The following SCG5 variants were observed in gnomAD, a reference collection of about 807,000 sequenced individuals.
SCG5 encodes the protein secretogranin V.
Under a neutral mutation model 25.7 loss-of-function variants are expected in SCG5, and 18 were observed. That is an observed-to-expected ratio of 0.70 (90% CI 0.48 to 1.04). The LOEUF is 1.04. SCG5 is among the 50% of genes least tolerant of loss of function. The pLI is 0.00. For synonymous variants in SCG5, 101 were observed against 91.7 expected, an observed-to-expected ratio of 1.10 and a Z score of -0.58; for missense variants, 206 against 259.8, an observed-to-expected ratio of 0.79 and a Z score of 1.42.
At chr15:32,680,742 G>A (rs2054605656) in intron 3 of SCG5, among the ~76,000 whole-genome samples, 1 of 152,122 alleles carries the variant, frequency 6.6e-6, no homozygotes. Context: ...AAGAGGTTCA[G>A]GAAGAAGCTG....
intron 2 of SCG5, among the ~76,000 whole-genome samples, chr15:32,663,092 T>C (rs1170489813): frequency 7.2e-6 from 1 of 139,286 alleles, no homozygotes; most frequent in African/African-American, 2.6e-5. Flanking sequence ...ATATAATATG[T>C]TATATATACA....
chr15:32,695,653 T>G (rs1373625382), intron 5 of SCG5, among the ~76,000 whole-genome samples: 2 of 152,050 alleles, frequency 1.3e-5, no homozygotes, highest in African/African-American at 2.4e-5. Flanking sequence ...TGAATTCTCC[T>G]TAGTAAAATA....
intron 4 of SCG5, among the ~76,000 whole-genome samples, chr15:32,688,958 C>CAAAAAAAAAA (rs778404784): frequency 9.1e-4 from 42 of 46,274 alleles, no homozygotes; most frequent in Admixed American, 1.3e-3. Flanking sequence ...GACTCCGTCT[C>CAAAAAAAAAA]AAAAAAAAAA....
chr15:32,687,687 G>A (rs1311225798), intron 4 of SCG5, among the ~76,000 whole-genome samples: 1 of 152,122 alleles, frequency 6.6e-6, no homozygotes, highest in African/African-American at 2.4e-5. Context: ...TGCTAATAAC[G>A]CTTCCTTGTT....
intron 1 of SCG5, among the ~76,000 whole-genome samples, chr15:32,642,242 C>T (rs1452463386): frequency 6.6e-6 from 1 of 151,956 alleles, no homozygotes; most frequent in African/African-American, 2.4e-5. Context: ...ACCTCTCCAT[C>T]CCCCATCCTC....
intron 4 of SCG5, among the ~76,000 whole-genome samples, chr15:32,685,848 A>G (rs2054699490): frequency 6.6e-6 from 1 of 151,986 alleles, no homozygotes; most frequent in African/African-American, 2.4e-5. Context: ...AAATATTCCA[A>G]CTCCCTCAGC....
At chr15:32,686,597 A>T (rs1002528137) in intron 4 of SCG5, among the ~76,000 whole-genome samples, 15 of 152,186 alleles carry the variant, frequency 9.9e-5, no homozygotes, top group African/African-American at 3.6e-4. Context: ...CATAAAAAAG[A>T]GAAGAGAGAG....
intron 4 of SCG5, among the ~76,000 whole-genome samples, chr15:32,690,846 C>A (rs1262880229): frequency 2.0e-5 from 3 of 147,908 alleles, no homozygotes; most frequent in African/African-American, 2.5e-5. Flanking sequence ...TTATTTAGAA[C>A]AAAACGAATC....
intron 2 of SCG5, among the ~76,000 whole-genome samples, chr15:32,663,043 AT>A (rs2054251181): frequency 5.6e-5 from 1 of 17,708 alleles, no homozygotes; most frequent in Admixed American, 3.4e-4. Context: ...ATATATATAT[AT>A]ATATATATAT....
At chr15:32,670,249 C>T (rs11855680) in intron 2 of SCG5, among the ~76,000 whole-genome samples, 2 of 152,146 alleles carry the variant, frequency 1.3e-5, no homozygotes, top group Admixed American at 1.3e-4. Flanking sequence ...ATTTAGATCT[C>T]TCCTACAAGG....
At chr15:32,677,163 C>T (rs1400982956) in intron 2 of SCG5, among the ~76,000 whole-genome samples, 1 of 152,080 alleles carries the variant, frequency 6.6e-6, no homozygotes, top group African/African-American at 2.4e-5. Flanking sequence ...CATTACAAAG[C>T]AGTGACCTAG....
At chr15:32,684,862 C>T (rs1215187025) in intron 4 of SCG5, among the ~76,000 whole-genome samples, 193 bp downstream of exon 4, 1 of 152,178 alleles carries the variant, frequency 6.6e-6, no homozygotes, top group African/African-American at 2.4e-5. Flanking sequence ...CAGCACTATA[C>T]CAAATCCAAC....
chr15:32,673,719 C>A (rs2054483495), intron 2 of SCG5, among the ~76,000 whole-genome samples: 1 of 151,962 alleles, frequency 6.6e-6, no homozygotes, highest in African/African-American at 2.4e-5. Flanking sequence ...CATCTGGGAC[C>A]ATTTAATATA....
intron 2 of SCG5, among the ~76,000 whole-genome samples, chr15:32,651,234 A>G (rs2054026819): frequency 6.6e-6 from 1 of 152,198 alleles, no homozygotes; most frequent in Non-Finnish European, 1.5e-5. Flanking sequence ...GTTCTTTTTT[A>G]TAACACTGAC....
intron 2 of SCG5, among the ~76,000 whole-genome samples, chr15:32,672,200 C>T (rs993804288): frequency 3.9e-5 from 6 of 152,244 alleles, no homozygotes; most frequent in African/African-American, 1.4e-4. Flanking sequence ...GGCCTGTGCC[C>T]GCTCCCTGCC....
rs1471026177 is a variant in SCG5 at position 32,695,737 on chromosome 15, C to T, written c.544-777C>T. ...TTCAGATGTTAATTCCCACTTGGCC[C>T]TACTCTTCTCCTTTAGAACGTTTTT... On this transcript the variant is annotated intron_variant, in intron 5 of 5. Transcript: ENST00000300175. Among the ~76,000 whole-genome samples the T allele has an allele frequency of 2.6e-5, 4 of 152,062 alleles. No homozygotes were observed. In the East Asian group the frequency reaches 7.7e-4, roughly 29 times the overall value.
chr15:32,660,750 C>T (rs2054202363), intron 2 of SCG5, among the ~76,000 whole-genome samples: 1 of 152,218 alleles, frequency 6.6e-6, no homozygotes, highest in Admixed American at 6.5e-5. Context: ...CAGCTTTTCA[C>T]CTCGATTACC....
At chr15:32,693,236 A>T (rs942605219) in intron 5 of SCG5, among the ~76,000 whole-genome samples, 11 of 152,128 alleles carry the variant, frequency 7.2e-5, no homozygotes, top group African/African-American at 2.7e-4. Flanking sequence ...TTCTGCCCTG[A>T]CTCAGTGAAT....
At chr15:32,676,604 A>G (rs1289188218) in intron 2 of SCG5, among the ~76,000 whole-genome samples, 1 of 152,232 alleles carries the variant, frequency 6.6e-6, no homozygotes, top group East Asian at 1.9e-4. Context: ...CTATTGGGTT[A>G]ATGTGGAATC....
Sources: gnomAD v4.1 joint callset for allele counts (sites outside exome capture counted in the v4.1 genomes callset) on GRCh38, gnomAD v4.1.1 for gene constraint, MANE v1.5 for transcripts, NCBI Gene and HGNC (gene_info 2026-07-23, HGNC 2026-07-21) for gene names.